LRRIQ1: variants seen among roughly 807,000 people sequenced by gnomAD.
The protein encoded by LRRIQ1 is leucine-rich repeat- and IQ domain-containing protein 1.
In LRRIQ1, 210 loss-of-function variants were observed where a neutral mutation model predicts 211.9. That is an observed-to-expected ratio of 0.99 (90% CI 0.89 to 1.11). The LOEUF is 1.11. Among genes scored for constraint, LRRIQ1 ranks in the 50% most tolerant of loss-of-function variants. The pLI is 0.00. For synonymous variants in LRRIQ1, 699 were observed against 650.1 expected (o/e 1.08, Z -1.14); for missense variants, 2,136 against 1,939.5 (o/e 1.10, Z -1.90).
In LRRIQ1 at chr12:85,057,118, C is replaced by G; in HGVS notation, c.2325C>G (p.Ala775=). The part of the protein sequence containing the change: ...VRRKRPVKCP[A]NMTPALDKLE... ...GAAAGAGACCTGTGAAATGCCCAGCCAACATGACACCCGCTTTGGATAAAC... is the reference window on the plus strand; with the variant it reads ...GAAAGAGACCTGTGAAATGCCCAGCGAACATGACACCCGCTTTGGATAAAC... The change falls in exon 8 of 27, where the codon GCC becomes GCG. Residue 775 remains alanine, a synonymous_variant. Transcript: ENST00000393217. 1 of 1,598,534 alleles carries G rather than the reference C, an allele frequency of 6.3e-7. No homozygotes were observed. The highest frequency in any genetic ancestry group is 8.5e-7 in the Non-Finnish European group (1 of 1,175,052).
intron 19 of LRRIQ1, among the ~76,000 whole-genome samples, chr12:85,149,187 G>C (rs562041291): frequency 6.6e-6 from 1 of 152,082 alleles, no homozygotes; most frequent in South Asian, 2.1e-4. Context: ...GGCTTTTATT[G>C]CAATTGCTTT....
intron 15 of LRRIQ1, among the ~76,000 whole-genome samples, chr12:85,117,290 G>A (rs1279300820): frequency 6.6e-6 from 1 of 152,030 alleles, no homozygotes; most frequent in Non-Finnish European, 1.5e-5. Flanking sequence ...TACTCAAAAG[G>A]GTCTCACAGG....
intron 7 of LRRIQ1, among the ~76,000 whole-genome samples, chr12:85,053,448 C>A (rs1880566697): frequency 6.6e-6 from 1 of 151,944 alleles, no homozygotes; most frequent in African/African-American, 2.4e-5. Context: ...GGATAAAAGA[C>A]GCATTACCTA....
chr12:85,074,343 A>G (rs1883411214), intron 11 of LRRIQ1, among the ~76,000 whole-genome samples: 1 of 151,918 alleles, frequency 6.6e-6, no homozygotes, highest in Non-Finnish European at 1.5e-5. Flanking sequence ...GTATATATTT[A>G]TGGGATAATG....
chr12:85,085,752 C>T (rs1453973973), intron 11 of LRRIQ1, among the ~76,000 whole-genome samples: 1 of 152,190 alleles, frequency 6.6e-6, no homozygotes, highest in Non-Finnish European at 1.5e-5. Context: ...ATCCATATTA[C>T]TGCAGAGGAC....
At chr12:85,213,960 A>T (rs1893959402) in intron 24 of LRRIQ1, among the ~76,000 whole-genome samples, 1 of 152,018 alleles carries the variant, frequency 6.6e-6, no homozygotes. Flanking sequence ...AGATTGACAG[A>T]TGATACCAAC....
chr12:85,103,467 A>T (rs1374970845), intron 13 of LRRIQ1, among the ~76,000 whole-genome samples: 1 of 151,768 alleles, frequency 6.6e-6, no homozygotes, highest in African/African-American at 2.4e-5. Context: ...AATACTTTCA[A>T]TTAGTAAAGA....
chr12:85,060,387 T>C (rs1048603908), intron 8 of LRRIQ1, among the ~76,000 whole-genome samples: 1 of 152,000 alleles, frequency 6.6e-6, no homozygotes, highest in African/African-American at 2.4e-5. Flanking sequence ...GTTTTAACTA[T>C]TTTTTATTTT....
intron 18 of LRRIQ1, among the ~76,000 whole-genome samples, chr12:85,131,959 C>CT (rs2136502597): frequency 6.6e-6 from 1 of 152,224 alleles, no homozygotes; most frequent in Non-Finnish European, 1.5e-5. Context: ...TTCTGATAAA[C>CT]TAAACAGAGA....
At chr12:85,215,209 ATT>A (rs1894019007) in intron 24 of LRRIQ1, among the ~76,000 whole-genome samples, 1 of 152,206 alleles carries the variant, frequency 6.6e-6, no homozygotes, top group African/African-American at 2.4e-5. Context: ...ATTGGAATAT[ATT>A]ATAATTTGGG....
chr12:85,102,970 A>ATATATATATATG (rs1400823309), intron 13 of LRRIQ1, among the ~76,000 whole-genome samples: 13 of 140,962 alleles, frequency 9.2e-5, no homozygotes, highest in African/African-American at 3.4e-4. Context: ...ATATATATAT[A>ATATATATATATG]TATATATATA....
At position 85,056,848 on chromosome 12, in the gene LRRIQ1, G is replaced by C. The variant is rs934013950; in HGVS notation, c.2055G>C (p.Glu685Asp). Residue 685 changes from glutamate to aspartate, a missense_variant, in exon 8 of 27, where the codon GAG (glutamate) becomes GAC (aspartate). Physicochemically the swap from Glu to Asp is conservative, Grantham distance 45. Coordinates refer to ENST00000393217, the MANE Select transcript of LRRIQ1 (RefSeq NM_001079910.2). ...DYVLGRHAPC[E>D]GLSNYNAESS... ...TGTTAGGTAGACATGCTCCTTGTGA[G>C]GGCTTGAGTAACTATAATGCAGAAA... is the stretch of plus-strand genomic sequence containing the variant. 5 of 1,613,178 alleles carry C rather than the reference G, an allele frequency of 3.1e-6. No individual in the cohort carries two copies. The highest frequency in any genetic ancestry group is 4.2e-6 in the Non-Finnish European group (5 of 1,179,544).
chr12:85,257,753 G>A (rs1896161746), intron 1 of LRRIQ1, among the ~76,000 whole-genome samples: 1 of 151,756 alleles, frequency 6.6e-6, no homozygotes, highest in South Asian at 2.1e-4. Context: ...TTTATAACTA[G>A]AAACCACTCA....
chr12:85,169,896 A>C (rs187588152), intron 24 of LRRIQ1, among the ~76,000 whole-genome samples: 1 of 152,194 alleles, frequency 6.6e-6, no homozygotes, highest in African/African-American at 2.4e-5. Flanking sequence ...CTCAATAAAT[A>C]TATGATTAAG....
intron 1 of LRRIQ1, among the ~76,000 whole-genome samples, chr12:85,037,837 A>G (rs533691660): frequency 8.5e-4 from 129 of 152,224 alleles, no homozygotes; most frequent in Non-Finnish European, 1.5e-3. Flanking sequence ...ACTCATGCAT[A>G]CATACCTACA....
chr12:85,197,958 T>TA (rs1893041379), intron 24 of LRRIQ1, among the ~76,000 whole-genome samples: 1 of 110,104 alleles, frequency 9.1e-6, no homozygotes, highest in Non-Finnish European at 1.7e-5. Flanking sequence ...TATAATTATA[T>TA]ATTATATATA....
chr12:85,232,871 T>G, intron 26 of LRRIQ1, 115 bp downstream of exon 26: 1 of 701,340 alleles, frequency 1.4e-6, no homozygotes, highest in Non-Finnish European at 2.5e-6. Flanking sequence ...TGTATCTATT[T>G]GGGATAATAT....
chr12:85,259,148 A>G (rs1423184023), intron 1 of LRRIQ1, among the ~76,000 whole-genome samples: 1 of 152,048 alleles, frequency 6.6e-6, no homozygotes, highest in African/African-American at 2.4e-5. Context: ...TTATATGCTC[A>G]CCTGCAAATA....
At chr12:85,142,282 C>G (rs1024960437) in intron 19 of LRRIQ1, among the ~76,000 whole-genome samples, 1 of 151,204 alleles carries the variant, frequency 6.6e-6, no homozygotes, top group East Asian at 2.0e-4. Flanking sequence ...CTTTATTGCC[C>G]TGCTTGGAGT....
Sources: allele counts gnomAD v4.1 joint callset (sites outside exome capture counted in the v4.1 genomes callset), GRCh38; gene constraint gnomAD v4.1.1; transcripts MANE v1.5; gene names NCBI Gene and HGNC (gene_info 2026-07-23, HGNC 2026-07-21).